The following SLIT3 variants were observed in gnomAD, a reference collection of about 807,000 sequenced individuals.
The protein encoded by SLIT3 is slit homolog 3 protein.
A neutral mutation model predicts 184.0 loss-of-function variants in SLIT3; 68 were observed. That is an observed-to-expected ratio of 0.37 (90% CI 0.30 to 0.45). The LOEUF is 0.45. SLIT3 is among the 20% of genes least tolerant of loss of function. The pLI is 1.00. For synonymous variants in SLIT3, 831 were observed against 828.6 expected (o/e 1.00, Z -0.05); for missense variants, 1,707 against 2,026.0 (o/e 0.84, Z 3.02).
At chr5:169,007,742 T>C (rs1755987060) in intron 4 of SLIT3, among the ~76,000 whole-genome samples, 2 of 152,238 alleles carry the variant, frequency 1.3e-5, no homozygotes, top group African/African-American at 4.8e-5. Flanking sequence ...GAACTAAAGA[T>C]GGCCTTTAAC....
intron 12 of SLIT3, among the ~76,000 whole-genome samples, chr5:168,779,566 T>C (rs1755894859): frequency 6.6e-6 from 1 of 152,210 alleles, no homozygotes; most frequent in Non-Finnish European, 1.5e-5. Context: ...GTATTAGCAC[T>C]CAGCCCATTG....
chr5:168,923,156 G>C (rs1761698361), intron 4 of SLIT3, among the ~76,000 whole-genome samples: 1 of 152,156 alleles, frequency 6.6e-6, no homozygotes. Flanking sequence ...ACACTGAAGA[G>C]AAATGCCTTG....
chr5:168,700,296 C>T (rs1043434846), intron 27 of SLIT3, among the ~76,000 whole-genome samples: 12 of 152,238 alleles, frequency 7.9e-5, no homozygotes, highest in African/African-American at 2.2e-4. Context: ...AATTGAATCA[C>T]GGGGGCAGTT....
intron 4 of SLIT3, among the ~76,000 whole-genome samples, chr5:168,995,085 A>G (rs2113400372): frequency 6.6e-6 from 1 of 152,280 alleles, no homozygotes; most frequent in South Asian, 2.1e-4. Context: ...CACAATCAGT[A>G]GGGGATATAG....
intron 3 of SLIT3, among the ~76,000 whole-genome samples, chr5:169,229,642 T>TTCTCTTTCTCTCTCTCTC (rs1764927032): frequency 2.0e-5 from 3 of 148,224 alleles, no homozygotes; most frequent in African/African-American, 7.4e-5. Context: ...AAATAAATTC[T>TTCTCTTTCTCTCTCTCTC]TCTCTCTCTC....
intron 4 of SLIT3, among the ~76,000 whole-genome samples, chr5:169,032,139 A>T (rs1757049648): frequency 6.6e-6 from 1 of 152,184 alleles, no homozygotes; most frequent in South Asian, 2.1e-4. Context: ...GGTTATTAGG[A>T]TGCCTAATTC....
intron 6 of SLIT3, among the ~76,000 whole-genome samples, chr5:168,833,045 G>T (rs1026855923): frequency 1.3e-5 from 2 of 152,210 alleles, no homozygotes; most frequent in African/African-American, 4.8e-5. Context: ...ATCTTTAAAT[G>T]ATTGTAAATT....
At chr5:168,789,689 T>C in intron 10 of SLIT3, 58 bp from the exon 11 acceptor site, 1 of 1,280,524 alleles carries the variant, frequency 7.8e-7, no homozygotes, top group Non-Finnish European at 1.1e-6. Flanking sequence ...TAACGGTCAC[T>C]CCTAAGTGTG....
chr5:168,954,924 A>G (rs1762771679), intron 4 of SLIT3, among the ~76,000 whole-genome samples: 1 of 152,222 alleles, frequency 6.6e-6, no homozygotes, highest in African/African-American at 2.4e-5. Flanking sequence ...AAACGTGTCT[A>G]TGTGTCAGAT....
chr5:169,063,327 C>T (rs1758239939), intron 4 of SLIT3, among the ~76,000 whole-genome samples: 1 of 152,210 alleles, frequency 6.6e-6, no homozygotes, highest in South Asian at 2.1e-4. Context: ...AGACCCAGCG[C>T]TGGAAGGAGG....
intron 25 of SLIT3, among the ~76,000 whole-genome samples, chr5:168,709,105 T>G (rs6883159): frequency 0.032 from 4,114 of 127,004 alleles, 190 homozygotes; most frequent in African/African-American, 0.098. Context: ...CTGTTTGTTT[T>G]TTTTTTTTTT....
At chr5:168,810,757 C>A (rs1012627386) in intron 8 of SLIT3, among the ~76,000 whole-genome samples, 9 of 152,166 alleles carry the variant, frequency 5.9e-5, no homozygotes, top group Admixed American at 5.9e-4. Context: ...GGGGACAGAG[C>A]AGAGCCTGGG....
chr5:169,002,897 G>A (rs1755769020), intron 4 of SLIT3, among the ~76,000 whole-genome samples: 1 of 152,116 alleles, frequency 6.6e-6, no homozygotes, highest in African/African-American at 2.4e-5. Context: ...TTACAAACTT[G>A]GTATATTAGT....
intron 4 of SLIT3, among the ~76,000 whole-genome samples, chr5:169,014,452 C>T (rs986815402): frequency 3.3e-5 from 5 of 152,116 alleles, no homozygotes; most frequent in Admixed American, 2.6e-4. Context: ...GAAAGAATAG[C>T]CACAGCCAGG....
chr5:168,930,339 A>G (rs12653483), intron 4 of SLIT3, among the ~76,000 whole-genome samples: 8,496 of 152,270 alleles, frequency 0.056, 343 homozygotes, highest in East Asian at 0.13. Flanking sequence ...CAAGCTTGCC[A>G]GAGAAAAAGG....
At chr5:168,777,089 ACACACACACACACACACCCC>A (rs1355076836) in intron 12 of SLIT3, among the ~76,000 whole-genome samples, 5 of 75,982 alleles carry the variant, frequency 6.6e-5, no homozygotes, top group African/African-American at 2.3e-4. Context: ...ACACACACAC[ACACACACACACACACACCCC>A]CCATACCACA....
chr5:169,001,482 T>C (rs1755701678), intron 4 of SLIT3, among the ~76,000 whole-genome samples: 1 of 152,144 alleles, frequency 6.6e-6, no homozygotes, highest in Non-Finnish European at 1.5e-5. Flanking sequence ...GTCACGTCTT[T>C]TTTTTCCCTC....
At chr5:169,228,897 C>A (rs900830673) in intron 3 of SLIT3, among the ~76,000 whole-genome samples, 1 of 152,182 alleles carries the variant, frequency 6.6e-6, no homozygotes, top group Non-Finnish European at 1.5e-5. Flanking sequence ...GGCCAGAAAT[C>A]ATGAATTTAT....
chr5:168,774,090 G>A lies in SLIT3; in HGVS notation c.1295+145C>T, dbSNP rs562253141. 1,038 of 787,756 alleles carry A rather than the reference G, an allele frequency of 1.3e-3. 3 individuals are homozygous for A. Among genetic ancestry groups the A allele is most frequent in the Non-Finnish European group, 1.8e-3 (905 of 491,796 alleles). 48.8% of individuals were successfully genotyped at this position (787,756 alleles called of 1,614,324 possible). ...GTGCTTGGTACTGATAAGCTATTCC[G>A]ATTTTTATTATTCTAGCTTCCCTGC... On this transcript the variant is annotated intron_variant, in intron 13 of 35. Coordinates refer to ENST00000519560, the MANE Select transcript of SLIT3 (RefSeq NM_003062.4).
Sources: allele counts gnomAD v4.1 joint callset (sites outside exome capture counted in the v4.1 genomes callset), GRCh38; gene constraint gnomAD v4.1.1; transcripts MANE v1.5; gene names NCBI Gene and HGNC (gene_info 2026-07-23, HGNC 2026-07-21).